RBMS3: variants seen among roughly 807,000 people sequenced by gnomAD.
The protein encoded by RBMS3 is RNA-binding motif, single-stranded-interacting protein 3.
RBMS3 carries 27 observed loss-of-function variants against 66.8 expected under a neutral mutation model. The ratio of observed to expected loss-of-function variants is 0.40; its 90% CI spans 0.30 to 0.56. The LOEUF (loss-of-function observed/expected upper bound fraction) is 0.56. RBMS3 is among the 20% of genes least tolerant of loss of function. RBMS3 has a pLI of 0.40. For missense variants in RBMS3, 513 were observed against 549.5 expected (o/e 0.93, Z 0.66); for synonymous variants, 188 against 183.0 (o/e 1.03, Z -0.22).
At chr3:29,734,223 A>T (rs2054274815) in intron 4 of RBMS3, among the ~76,000 whole-genome samples, 1 of 152,106 alleles carries the variant, frequency 6.6e-6, no homozygotes, top group Non-Finnish European at 1.5e-5. Context: ...GAGTAGAACT[A>T]TGGTTACTAG....
chr3:29,691,932 T>TCTCTCTCC (rs1491286568), intron 4 of RBMS3, among the ~76,000 whole-genome samples: 1 of 31,224 alleles, frequency 3.2e-5, no homozygotes, highest in African/African-American at 1.5e-4. Flanking sequence ...GTGTGACCCT[T>TCTCTCTCC]CTCTCTCTCT....
Position 29,930,975 on chromosome 3 carries a change from G to A in RBMS3, c.940-5111G>A, listed in dbSNP as rs79880479. 5.4e-3 allele frequency among the ~76,000 whole-genome samples: 817 copies of A among 152,170 alleles called. 36 individuals are homozygous for A. In the East Asian group the frequency reaches 0.098, roughly 18 times the overall value. On this transcript the variant is annotated intron_variant, in intron 10 of 14. Transcript: ENST00000383767. ...CTAACTAACTACTTTTTGATTAGAA[G>A]TTTTATTCTTTCATCATTCTTTCGG...
chr3:29,888,953 C>A (rs769903443), intron 8 of RBMS3, among the ~76,000 whole-genome samples: 2 of 151,578 alleles, frequency 1.3e-5, no homozygotes, highest in East Asian at 1.9e-4. Flanking sequence ...CTTTAATATA[C>A]CTCCCCCCAC....
At chr3:29,851,626 T>A (rs1440796601) in intron 6 of RBMS3, among the ~76,000 whole-genome samples, 1 of 152,230 alleles carries the variant, frequency 6.6e-6, no homozygotes, top group Non-Finnish European at 1.5e-5. Flanking sequence ...CTTTTAAAAG[T>A]TAATCTGCTT....
At chr3:29,504,033 G>A (rs2148942229) in intron 3 of RBMS3, among the ~76,000 whole-genome samples, 1 of 152,202 alleles carries the variant, frequency 6.6e-6, no homozygotes, top group Non-Finnish European at 1.5e-5. Flanking sequence ...ATTGTGTTCA[G>A]AATTCCCAGC....
At chr3:29,402,516 T>C (rs1260260042) in intron 1 of RBMS3, among the ~76,000 whole-genome samples, 1 of 152,116 alleles carries the variant, frequency 6.6e-6, no homozygotes, top group Non-Finnish European at 1.5e-5. Flanking sequence ...CTAGTAGTTA[T>C]GAAATGTACT....
At chr3:29,440,770 G>A (rs1008752425) in intron 2 of RBMS3, among the ~76,000 whole-genome samples, 2 of 152,286 alleles carry the variant, frequency 1.3e-5, no homozygotes, top group Non-Finnish European at 2.9e-5. Flanking sequence ...TGAATAGTAA[G>A]AGCCAGACTC....
chr3:29,331,782 A>T (rs531162887), intron 1 of RBMS3, among the ~76,000 whole-genome samples: 1 of 150,166 alleles, frequency 6.7e-6, no homozygotes, highest in African/African-American at 2.5e-5. Context: ...AGTTTTCTGA[A>T]ATAACAAAAC....
intron 4 of RBMS3, among the ~76,000 whole-genome samples, chr3:29,718,746 T>A (rs2053515903): frequency 6.6e-6 from 1 of 152,154 alleles, no homozygotes; most frequent in South Asian, 2.1e-4. Context: ...CTACCACAGT[T>A]CTGTTGTAAT....
intron 6 of RBMS3, among the ~76,000 whole-genome samples, chr3:29,816,947 C>T (rs892285317): frequency 8.6e-5 from 13 of 151,864 alleles, no homozygotes; most frequent in South Asian, 2.1e-4. Flanking sequence ...AAAAATTAGC[C>T]GGGCATGGTG....
At chr3:29,387,039 G>A (rs1398859053) in intron 1 of RBMS3, among the ~76,000 whole-genome samples, 1 of 152,026 alleles carries the variant, frequency 6.6e-6, no homozygotes, top group Admixed American at 6.5e-5. Flanking sequence ...TCTCAATCTC[G>A]CCAGCTTGAT....
At chr3:29,464,211 G>T (rs568745931) in intron 2 of RBMS3, among the ~76,000 whole-genome samples, 1 of 152,264 alleles carries the variant, frequency 6.6e-6, no homozygotes, top group African/African-American at 2.4e-5. Context: ...AAAACCATGC[G>T]TAAGTCTGTG....
intron 3 of RBMS3, among the ~76,000 whole-genome samples, chr3:29,559,531 A>C (rs1576226239): frequency 3.8e-5 from 4 of 105,016 alleles, no homozygotes; most frequent in African/African-American, 1.1e-4. Context: ...AAAAAAAAAA[A>C]AAAAAAAAAA....
intron 1 of RBMS3, among the ~76,000 whole-genome samples, chr3:29,306,392 C>G (rs1157450496): frequency 2.0e-5 from 3 of 151,970 alleles, no homozygotes; most frequent in Admixed American, 6.6e-5. Context: ...CCTTCTCTTG[C>G]TCCTTCTCAG....
intron 7 of RBMS3, among the ~76,000 whole-genome samples, chr3:29,878,400 A>G (rs2059660681): frequency 6.6e-6 from 1 of 152,172 alleles, no homozygotes; most frequent in African/African-American, 2.4e-5. Context: ...TTTCTCAGCC[A>G]GGGTGTAGCC....
chr3:29,667,096 G>A (rs954303457), intron 4 of RBMS3, among the ~76,000 whole-genome samples: 1 of 152,042 alleles, frequency 6.6e-6, no homozygotes, highest in Non-Finnish European at 1.5e-5. Context: ...AAAAATATCT[G>A]GGAAATAATG....
chr3:29,486,705 T>C (rs80322015), intron 2 of RBMS3, among the ~76,000 whole-genome samples: 11,516 of 152,204 alleles, frequency 0.076, 518 homozygotes, highest in East Asian at 0.16. Flanking sequence ...AGTAGGACAA[T>C]ATGCATGCCA....
chr3:29,837,665 TA>T (rs1430673168), intron 6 of RBMS3, among the ~76,000 whole-genome samples: 1 of 16,714 alleles, frequency 6.0e-5, no homozygotes, highest in Non-Finnish European at 1.3e-4. Flanking sequence ...ATAATGAACA[TA>T]TATATATATA....
At chr3:29,700,450 T>G (rs758937613) in intron 4 of RBMS3, among the ~76,000 whole-genome samples, 1 of 152,146 alleles carries the variant, frequency 6.6e-6, no homozygotes, top group Non-Finnish European at 1.5e-5. Context: ...TTCCTACATC[T>G]CTTGTAGAGC....
Sources: allele counts gnomAD v4.1 joint callset (sites outside exome capture counted in the v4.1 genomes callset), GRCh38; gene constraint gnomAD v4.1.1; transcripts MANE v1.5; gene names NCBI Gene and HGNC (gene_info 2026-07-23, HGNC 2026-07-21).